Variants in DMXL2 observed in about 807,000 individuals in gnomAD.
The protein encoded by DMXL2 is Dmx like 2.
A neutral mutation model predicts 331.1 loss-of-function variants in DMXL2; 103 were observed. That is an observed-to-expected ratio of 0.31 (90% CI 0.27 to 0.37). The LOEUF (loss-of-function observed/expected upper bound fraction) is 0.37, where lower values mean the gene tolerates loss of function less well. Among genes scored for constraint, DMXL2 ranks in the 10% least tolerant of loss-of-function variants. The pLI is 1.00. For missense variants in DMXL2, 3,171 were observed against 3,642.9 expected, an observed-to-expected ratio of 0.87 and a Z score of 3.33; for synonymous variants, 1,281 against 1,252.1, an observed-to-expected ratio of 1.02 and a Z score of -0.49.
intron 1 of DMXL2, among the ~76,000 whole-genome samples, chr15:51,603,378 C>T (rs11634039): frequency 0.48 from 73,057 of 151,896 alleles, 17,929 homozygotes; most frequent in Non-Finnish European, 0.52. Context: ...TCCTCTAAAA[C>T]CAAAAACAGT....
intron 17 of DMXL2, among the ~76,000 whole-genome samples, chr15:51,502,162 G>A (rs1163267126): frequency 6.6e-6 from 1 of 151,250 alleles, no homozygotes; most frequent in South Asian, 2.1e-4. Context: ...GAACCCGGGA[G>A]GTGGAGCTTG....
chr15:51,502,520 G>C (rs1448477836), intron 17 of DMXL2, among the ~76,000 whole-genome samples: 1 of 151,884 alleles, frequency 6.6e-6, no homozygotes, highest in Non-Finnish European at 1.5e-5. Flanking sequence ...ACATGGTTTC[G>C]CCATGTTAGC....
chr15:51,484,425 C>T (rs1245039304), intron 23 of DMXL2, among the ~76,000 whole-genome samples: 1 of 152,188 alleles, frequency 6.6e-6, no homozygotes, highest in African/African-American at 2.4e-5. Context: ...CTCTTTCAGC[C>T]TAGGCAACTG....
chr15:51,612,687 C>T (rs535578040), intron 1 of DMXL2, among the ~76,000 whole-genome samples: 2 of 152,234 alleles, frequency 1.3e-5, no homozygotes, highest in South Asian at 2.1e-4. Context: ...ATCTCAGGAC[C>T]GGGTTGAAAT....
chr15:51,579,446 T>C (rs11630336), intron 1 of DMXL2, among the ~76,000 whole-genome samples: 68,031 of 151,944 alleles, frequency 0.45, 15,860 homozygotes, highest in Non-Finnish European at 0.51. Flanking sequence ...CATGAGATTT[T>C]AATGGTTTTA....
intron 1 of DMXL2, among the ~76,000 whole-genome samples, chr15:51,582,917 G>A (rs563006542): frequency 2.6e-5 from 4 of 151,608 alleles, no homozygotes; most frequent in South Asian, 2.1e-4. Flanking sequence ...TTCCCAGGAA[G>A]CAATTACTTA....
At chr15:51,545,309 T>A (rs2048829959) in intron 8 of DMXL2, among the ~76,000 whole-genome samples, 1 of 152,140 alleles carries the variant, frequency 6.6e-6, no homozygotes, top group African/African-American at 2.4e-5. Context: ...AACAAAAGAA[T>A]TAAAATAATA....
chr15:51,474,146 T>C (rs904901016), intron 28 of DMXL2, among the ~76,000 whole-genome samples, 198 bp downstream of exon 28: 1 of 152,202 alleles, frequency 6.6e-6, no homozygotes, highest in Non-Finnish European at 1.5e-5. Context: ...ACCTCAAAAA[T>C]GTTATTTCTA....
chr15:51,545,645 T>G lies in DMXL2; in HGVS notation c.868A>C (p.Ser290Arg). The change falls in exon 8 of 44, where the codon AGC (serine) becomes CGC (arginine). Residue 290 changes from serine to arginine, a missense_variant. This residue lies in a region of DMXL2 where 1,674 missense variants were observed against 1,780.2 expected (regional missense o/e 0.94). Coordinates refer to ENST00000560891, the MANE Select transcript of DMXL2 (RefSeq NM_001378457.1). ...GEQICETTTSSIASSLSHAGR... is the reference protein window; with the variant it reads ...GEQICETTTSRIASSLSHAGR... The stretch of plus-strand genomic sequence containing the variant: ...GCATGAGAAAGGCTGCTGGCAATGC[T>G]GGAAGTGGTAGTCTCACAAATCTGC... 6.2e-7 allele frequency: 1 copy of G among 1,613,770 alleles called. No homozygotes were observed. The highest frequency in any genetic ancestry group is 8.5e-7 in the Non-Finnish European group (1 of 1,179,748).
chr15:51,486,773 C>T (rs2042424655), intron 22 of DMXL2, among the ~76,000 whole-genome samples: 1 of 152,004 alleles, frequency 6.6e-6, no homozygotes, highest in South Asian at 2.1e-4. Flanking sequence ...TATTCATAGT[C>T]TCTGGGAGCC....
At chr15:51,512,536 C>T (rs1180537181) in intron 15 of DMXL2, among the ~76,000 whole-genome samples, 2 of 152,116 alleles carry the variant, frequency 1.3e-5, no homozygotes, top group East Asian at 1.9e-4. Context: ...GGGGGCCAGG[C>T]GTAGTGGCTC....
At position 51,596,839 on chromosome 15, in the gene DMXL2, C is replaced by T. The variant is rs145110159; in HGVS notation, c.88-20658G>A. The stretch of plus-strand genomic sequence containing the variant: ...CGCAAAGACAAAAAACCAAACACCG[C>T]ATGTTCTCACTCATAGGTGGGAACT... On this transcript the variant is annotated intron_variant, in intron 1 of 43. Transcript: ENST00000560891. Among the ~76,000 whole-genome samples the T allele has an allele frequency of 6.0e-3, 908 of 152,222 alleles. 10 individuals are homozygous for T. Among genetic ancestry groups the T allele is most frequent in the African/African-American group, 0.02 (848 of 41,526 alleles).
intron 1 of DMXL2, among the ~76,000 whole-genome samples, chr15:51,613,713 T>C (rs531800364): frequency 6.6e-6 from 1 of 152,374 alleles, no homozygotes; most frequent in Admixed American, 6.5e-5. Context: ...TTGCTTCTAA[T>C]GGCCAAACTG....
At chr15:51,532,385 G>C (rs1364059505) in intron 13 of DMXL2, among the ~76,000 whole-genome samples, 1 of 152,050 alleles carries the variant, frequency 6.6e-6, no homozygotes, top group South Asian at 2.1e-4. Context: ...GGCTAGGAGG[G>C]GTCGTAAGGG....
chr15:51,619,485 C>T (rs1169511477), intron 1 of DMXL2, among the ~76,000 whole-genome samples: 3 of 152,226 alleles, frequency 2.0e-5, no homozygotes, highest in Admixed American at 2.0e-4. Context: ...AGATTGTCCA[C>T]TACAGACTGC....
chr15:51,555,023 T>C (rs2049467991), intron 6 of DMXL2, among the ~76,000 whole-genome samples: 1 of 152,092 alleles, frequency 6.6e-6, no homozygotes, highest in Admixed American at 6.5e-5. Context: ...CCAGGTGTGG[T>C]GGCACACGCT....
At chr15:51,617,178 GTT>G (rs2054338374) in intron 1 of DMXL2, among the ~76,000 whole-genome samples, 1 of 152,090 alleles carries the variant, frequency 6.6e-6, no homozygotes, top group African/African-American at 2.4e-5. Flanking sequence ...CAAGATCCAA[GTT>G]AAGATAATCT....
intron 28 of DMXL2, among the ~76,000 whole-genome samples, chr15:51,473,807 C>T (rs1008389167): frequency 1.2e-4 from 18 of 152,112 alleles, no homozygotes; most frequent in African/African-American, 3.9e-4. Flanking sequence ...TGGAATAATA[C>T]TATCACATTG....
chr15:51,542,595 A>AT lies in DMXL2; in HGVS notation c.931-89dup, dbSNP rs1347316682. 7.9e-6 allele frequency: 8 copies of AT among 1,012,546 alleles called. No homozygotes were observed. In the South Asian group the frequency reaches 1.2e-4, roughly 16 times the overall value. 62.7% of individuals were successfully genotyped at this position (1,012,546 alleles called of 1,614,324 possible). ...ACTCTTAATTATTAAGAGGTTTAAG[A>AT]TTTTTTTCTCCATAAAAACCTGATC... On this transcript the variant is annotated intron_variant, in intron 8 of 43. Transcript: ENST00000560891.
Sources: gnomAD v4.1 joint callset for allele counts (sites outside exome capture counted in the v4.1 genomes callset) on GRCh38, gnomAD v4.1.1 for gene constraint, gnomAD v4.1.1 regional missense constraint, MANE v1.5 for transcripts, NCBI Gene and HGNC (gene_info 2026-07-23, HGNC 2026-07-21) for gene names.